The following BCAS3 variants were observed in gnomAD, a reference collection of about 807,000 sequenced individuals.
The protein encoded by BCAS3 is BCAS4/BCAS3 fusion.
Under a neutral mutation model 116.1 loss-of-function variants are expected in BCAS3, and 53 were observed. The ratio of observed to expected loss-of-function variants is 0.46; its 90% CI spans 0.37 to 0.57. The LOEUF is 0.57. Ranked by LOEUF, BCAS3 falls within the 20% of genes least tolerant of loss-of-function variation. BCAS3 has a pLI of 0.00. For missense variants in BCAS3, 917 were observed against 1,165.4 expected (o/e 0.79, Z 3.10); for synonymous variants, 391 against 408.2 (o/e 0.96, Z 0.51).
rs899024591 is a variant in BCAS3 at position 61,229,159 on chromosome 17, G to A, written c.2426-139168G>A. On this transcript the variant is annotated intron_variant, in intron 22 of 23. Transcript: ENST00000407086. This position sits in a 1 kb window ranked among gnomAD's most constrained non-coding sequence, Gnocchi z 4.4. ...CTCCCAAAGTGCTGGGATTACTGAT[G>A]TGAGCCACCGCACCTGGCCACCACC... 6.6e-6 allele frequency among the ~76,000 whole-genome samples: 1 copy of A among 152,228 alleles called. No homozygotes were observed. The highest frequency in any genetic ancestry group is 2.4e-5 in the African/African-American group (1 of 41,468).
chr17:61,212,193 A>G (rs1210317788), intron 22 of BCAS3, among the ~76,000 whole-genome samples: 1 of 152,236 alleles, frequency 6.6e-6, no homozygotes, highest in Non-Finnish European at 1.5e-5. Flanking sequence ...GATCTGTTCT[A>G]CTGGAAGGAT....
intron 22 of BCAS3, among the ~76,000 whole-genome samples, chr17:61,298,249 C>T (rs1169243801): frequency 2.6e-5 from 4 of 152,128 alleles, no homozygotes; most frequent in Non-Finnish European, 4.4e-5. Context: ...TCCCAACACA[C>T]TTTTATGCCT....
chr17:61,007,905 G>A lies in BCAS3; in HGVS notation c.1487-7846G>A, dbSNP rs1371788982. Among the ~76,000 whole-genome samples the A allele has an allele frequency of 6.6e-6, 1 of 151,954 alleles. No homozygotes were observed. The highest frequency in any genetic ancestry group is 2.1e-4 in the South Asian group (1 of 4,832). On this transcript the variant is annotated intron_variant, in intron 15 of 23. Transcript: ENST00000407086. The surrounding 1 kb of genome is among the most constrained non-coding windows in gnomAD (Gnocchi z 4.3). ...ATTGCAGTGTTTTTACTTCACCATCGATTGCCTCCAAAAAAAAGTTATAGG... is the reference window on the plus strand; with the variant it reads ...ATTGCAGTGTTTTTACTTCACCATCAATTGCCTCCAAAAAAAAGTTATAGG...
chr17:60,703,145 G>A (rs1174661066), intron 4 of BCAS3, among the ~76,000 whole-genome samples: 2 of 151,850 alleles, frequency 1.3e-5, no homozygotes, highest in African/African-American at 2.4e-5. Flanking sequence ...TGTTGTGGCA[G>A]GTGCCTCTAA....
At chr17:60,748,102 T>A (rs921120811) in intron 6 of BCAS3, among the ~76,000 whole-genome samples, 3 of 152,178 alleles carry the variant, frequency 2.0e-5, no homozygotes, top group Non-Finnish European at 4.4e-5. Context: ...TATTAAAATA[T>A]TTTAATTCTA....
Position 61,041,639 on chromosome 17 carries a change from T to C in BCAS3, c.2029+747T>C, listed in dbSNP as rs1191260817. On this transcript the variant is annotated intron_variant, in intron 19 of 23. Transcript: ENST00000407086. The surrounding 1 kb of genome is among the most constrained non-coding windows in gnomAD (Gnocchi z 4.7). ...CATTGACATGTTTTTAATGAAACTT[T>C]GTTGTATTTAACACATTGTCTTGCC... 2.6e-5 allele frequency among the ~76,000 whole-genome samples: 4 copies of C among 152,064 alleles called. No homozygotes were observed. Among genetic ancestry groups the C allele is most frequent in the African/African-American group, 9.7e-5 (4 of 41,444 alleles).
In BCAS3 at chr17:61,192,246, CAAA is replaced by C. The variant is rs60456812; in HGVS notation, c.2425+107696_2425+107698del. On this transcript the variant is annotated intron_variant, in intron 22 of 23. Transcript: ENST00000407086. ...GGGCGACAGAGCAAGGCTCTGTTAC[CAAA>C]AAAAAAAAAAAAAGAAACATAGAGT... Among the ~76,000 whole-genome samples, 51 of 70,690 alleles carry C rather than the reference CAAA, an allele frequency of 7.2e-4. 3 individuals are homozygous for C. The South Asian group carries it at 0.041, about 57-fold the overall frequency. 46.4% of individuals were successfully genotyped at this position (70,690 alleles called of 152,430 possible). A position where few individuals can be genotyped will look rare whatever the true frequency, so the allele number is the denominator to read the frequency against.
rs2057895782 is a variant in BCAS3 at position 61,352,290 on chromosome 17, A to G, written c.2426-16037A>G. Among the ~76,000 whole-genome samples, 1 of 152,124 alleles carries G rather than the reference A, an allele frequency of 6.6e-6. No homozygotes were observed. ...ACTCATGGATGAATCCAATCTTCTA[A>G]TCCAGTATGTACCTTAGGCCCAAAG... On this transcript the variant is annotated intron_variant, in intron 22 of 23. Transcript: ENST00000407086. The surrounding 1 kb of genome is among the most constrained non-coding windows in gnomAD (Gnocchi z 4.7).
At chr17:61,070,016 C>T (rs375274616) in intron 19 of BCAS3, 79 of 1,595,234 alleles carry the variant, frequency 5.0e-5, no homozygotes, top group African/African-American at 1.1e-4. Flanking sequence ...TTCCGGCAGC[C>T]GAAGACACTG....
chr17:61,190,945 C>A (rs2080075420), intron 22 of BCAS3, among the ~76,000 whole-genome samples: 1 of 152,088 alleles, frequency 6.6e-6, no homozygotes, highest in Non-Finnish European at 1.5e-5. Flanking sequence ...ATGGCATATG[C>A]CTGTGGTCCC....
chr17:61,182,764 G>C (rs1221483532), intron 22 of BCAS3, among the ~76,000 whole-genome samples: 2 of 152,242 alleles, frequency 1.3e-5, no homozygotes, highest in South Asian at 2.1e-4. Flanking sequence ...ACAATACGTA[G>C]TCTTTTGAGG....
At chr17:61,094,758 C>T (rs913579832) in intron 22 of BCAS3, among the ~76,000 whole-genome samples, 5 of 152,094 alleles carry the variant, frequency 3.3e-5, no homozygotes, top group African/African-American at 1.2e-4. Flanking sequence ...GCAGGAGAAT[C>T]GCTTGAACCC....
chr17:61,070,506 T>TGTAA (rs1230472224), intron 19 of BCAS3: 1 of 174,656 alleles, frequency 5.7e-6, no homozygotes, highest in African/African-American at 2.3e-5. Context: ...GTTCTATTTG[T>TGTAA]GTAATTTCAG....
intron 18 of BCAS3, among the ~76,000 whole-genome samples, chr17:61,038,363 C>T (rs963721950): frequency 1.3e-5 from 2 of 151,182 alleles, no homozygotes; most frequent in Non-Finnish European, 2.9e-5. Context: ...AGCGATTCTC[C>T]TGCCTCAGCC....
intron 14 of BCAS3, among the ~76,000 whole-genome samples, chr17:60,948,040 A>G (rs188344175): frequency 3.3e-4 from 51 of 152,286 alleles, no homozygotes; most frequent in Non-Finnish European, 4.4e-4. Context: ...GAGCGCTTGT[A>G]TCAGGTGCCA....
At chr17:60,690,758 T>G (rs1221996699) in intron 4 of BCAS3, among the ~76,000 whole-genome samples, 1 of 151,334 alleles carries the variant, frequency 6.6e-6, no homozygotes, top group Non-Finnish European at 1.5e-5. Flanking sequence ...TCGTCTCTAC[T>G]AAAAATACAA....
intron 20 of BCAS3, among the ~76,000 whole-genome samples, chr17:61,076,860 G>C (rs1429821680): frequency 6.6e-6 from 1 of 152,154 alleles, no homozygotes; most frequent in South Asian, 2.1e-4. Flanking sequence ...TTTTCTCCCT[G>C]TGATTAGTAG....
intron 22 of BCAS3, among the ~76,000 whole-genome samples, chr17:61,273,347 T>C (rs2050476273): frequency 6.6e-6 from 1 of 152,046 alleles, no homozygotes; most frequent in Admixed American, 6.6e-5. Flanking sequence ...TTAAGGGATA[T>C]TTTGCTGAAT....
At chr17:60,753,833 A>G (rs1161646723) in intron 6 of BCAS3, among the ~76,000 whole-genome samples, 1 of 117,432 alleles carries the variant, frequency 8.5e-6, no homozygotes, top group African/African-American at 3.7e-5. Flanking sequence ...TTCTGTTACT[A>G]TAATCTTAGC....
Sources: gnomAD v4.1 joint callset for allele counts (sites outside exome capture counted in the v4.1 genomes callset) on GRCh38, gnomAD v4.1.1 for gene constraint, Gnocchi (gnomAD v3.1) non-coding constraint, MANE v1.5 for transcripts, NCBI Gene and HGNC (gene_info 2026-07-23, HGNC 2026-07-21) for gene names.